SPTLC2: variants seen among roughly 807,000 people sequenced by gnomAD.
SPTLC2 encodes serine palmitoyltransferase long chain base subunit 2.
SPTLC2 carries 21 observed loss-of-function variants against 62.0 expected under a neutral mutation model. The observed-to-expected ratio is 0.34, with a 90% CI of 0.24 to 0.49. The LOEUF (loss-of-function observed/expected upper bound fraction) is 0.49, where lower values mean the gene tolerates loss of function less well. Ranked by LOEUF, SPTLC2 falls within the 20% of genes least tolerant of loss-of-function variation. The probability of loss-of-function intolerance (pLI) is 0.99; values close to 1 mark genes in which losing one functional copy is unlikely to be tolerated. For missense variants in SPTLC2, 511 were observed against 713.0 expected (o/e 0.72, Z 3.23); for synonymous variants, 261 against 261.8 (o/e 1.00, Z 0.03).
Position 77,555,529 on chromosome 14 carries a change from C to T in SPTLC2, c.957-10G>A, listed in dbSNP as rs1482641330. On this transcript the variant is annotated splice_polypyrimidine_tract_variant and intron_variant, in intron 7 of 11. Coordinates refer to ENST00000216484, the MANE Select transcript of SPTLC2 (RefSeq NM_004863.4). Reference sequence around the variant, plus strand: ...AATAGATCCCTCCATGCTGGCAAAACATGAAAAAATATATATATACACATA... The same window carrying T: ...AATAGATCCCTCCATGCTGGCAAAATATGAAAAAATATATATATACACATA... The T allele has an allele frequency of 1.2e-6, 2 of 1,613,528 alleles. No individual in the cohort carries two copies. The highest frequency in any genetic ancestry group is 1.7e-6 in the Non-Finnish European group (2 of 1,179,612).
chr14:77,515,391 C>T (rs1355074978), intron 11 of SPTLC2, among the ~76,000 whole-genome samples: 1 of 152,064 alleles, frequency 6.6e-6, no homozygotes, highest in Non-Finnish European at 1.5e-5. Flanking sequence ...GCCATCTTAA[C>T]AATATTAAAT....
At chr14:77,577,665 C>T (rs2079724165) in intron 3 of SPTLC2, among the ~76,000 whole-genome samples, 1 of 152,116 alleles carries the variant, frequency 6.6e-6, no homozygotes, top group South Asian at 2.1e-4. Context: ...TTTGGGAGGC[C>T]GCGGTGGGTG....
chr14:77,533,566 G>C (rs936775864), intron 9 of SPTLC2, among the ~76,000 whole-genome samples: 3 of 152,188 alleles, frequency 2.0e-5, no homozygotes, highest in Non-Finnish European at 4.4e-5. Context: ...TTTCGGGAAG[G>C]CTGGACTTGT....
chr14:77,564,610 T>C (rs1312341445), intron 5 of SPTLC2, among the ~76,000 whole-genome samples: 1 of 152,020 alleles, frequency 6.6e-6, no homozygotes. Context: ...CAGCACTTCT[T>C]GGAGAACTGG....
At chr14:77,541,772 C>A (rs552299624) in intron 9 of SPTLC2, among the ~76,000 whole-genome samples, 1 of 152,158 alleles carries the variant, frequency 6.6e-6, no homozygotes, top group Admixed American at 6.5e-5. Context: ...CTAAGAATAT[C>A]TAGGCCAGGT....
At chr14:77,571,180 T>A (rs950800819) in intron 4 of SPTLC2, among the ~76,000 whole-genome samples, 2 of 152,288 alleles carry the variant, frequency 1.3e-5, no homozygotes, top group African/African-American at 4.8e-5. Flanking sequence ...CCACTAAGTT[T>A]TGAGATGGTT....
chr14:77,597,507 G>C (rs773274583), intron 1 of SPTLC2, 127 bp from the exon 2 acceptor site: 71 of 840,698 alleles, frequency 8.4e-5, no homozygotes, highest in Admixed American at 1.9e-4. Flanking sequence ...GGGCGCACTG[G>C]CTCACACCTG....
chr14:77,586,119 A>G (rs138554878), intron 2 of SPTLC2, among the ~76,000 whole-genome samples: 7 of 140,742 alleles, frequency 5.0e-5, no homozygotes, highest in Admixed American at 1.6e-4. Context: ...TCTGTTACCC[A>G]GGCTGGAGTG....
intron 9 of SPTLC2, among the ~76,000 whole-genome samples, chr14:77,530,759 G>C (rs1750252600): frequency 6.6e-6 from 1 of 152,116 alleles, no homozygotes; most frequent in Non-Finnish European, 1.5e-5. Flanking sequence ...ACCAAGACTT[G>C]ACTCCCTGGT....
chr14:77,581,294 C>T (rs1458983571), intron 2 of SPTLC2, among the ~76,000 whole-genome samples: 1 of 152,078 alleles, frequency 6.6e-6, no homozygotes, highest in East Asian at 1.9e-4. Flanking sequence ...TTCTATGACA[C>T]CGGACTCTCA....
Position 77,570,222 on chromosome 14 carries a change from CAA to C in SPTLC2, c.756+160_756+161del, listed in dbSNP as rs35086251. Among the ~76,000 whole-genome samples, 7,252 of 111,380 alleles carry C rather than the reference CAA, an allele frequency of 0.065. 206 individuals carry two copies. The highest frequency in any genetic ancestry group is 0.094 in the Middle Eastern group (21 of 224). The allele number at this position is 111,380 out of a possible 152,430, so 73.1% of individuals were successfully genotyped here. Reference sequence around the variant, plus strand: ...TGGGCGAAAGAACAAGACTCCATCTCAAAAAAAAAAAAAAAAAAGAAAAACAA... The same window carrying C: ...TGGGCGAAAGAACAAGACTCCATCTCAAAAAAAAAAAAAAAAGAAAAACAA... On this transcript the variant is annotated intron_variant, in intron 5 of 11. Transcript: ENST00000216484.
chr14:77,610,818 G>A (rs2079931399), intron 1 of SPTLC2, among the ~76,000 whole-genome samples: 1 of 151,844 alleles, frequency 6.6e-6, no homozygotes, highest in Non-Finnish European at 1.5e-5. Flanking sequence ...GGCCAAGGCA[G>A]GAGGATCGAT....
At chr14:77,534,190 A>T (rs1033086296) in intron 9 of SPTLC2, among the ~76,000 whole-genome samples, 1 of 146,884 alleles carries the variant, frequency 6.8e-6, no homozygotes, top group African/African-American at 2.6e-5. Context: ...ACACACACAC[A>T]CACACACACA....
chr14:77,513,799 G>C (rs1370524468), intron 11 of SPTLC2, among the ~76,000 whole-genome samples: 1 of 151,578 alleles, frequency 6.6e-6, no homozygotes, highest in African/African-American at 2.4e-5. Context: ...GGAGGCTGAG[G>C]CAGGAGAATC....
At chr14:77,528,025 T>C (rs1281381584) in intron 9 of SPTLC2, among the ~76,000 whole-genome samples, 2 of 152,212 alleles carry the variant, frequency 1.3e-5, no homozygotes, top group African/African-American at 2.4e-5. Context: ...ATATTAAGGA[T>C]GTTCAGCCAG....
intron 2 of SPTLC2, among the ~76,000 whole-genome samples, chr14:77,591,877 C>T (rs1379591628): frequency 6.6e-6 from 1 of 152,094 alleles, no homozygotes; most frequent in Non-Finnish European, 1.5e-5. Flanking sequence ...GCATGTGCCA[C>T]CACGCCCCAG....
At chr14:77,570,630 G>A (rs977705820) in intron 4 of SPTLC2, 122 bp from the exon 5 acceptor site, 9 of 1,154,940 alleles carry the variant, frequency 7.8e-6, no homozygotes, top group Non-Finnish European at 1.1e-5. Context: ...ATCTATGAAG[G>A]AGTCAATATT....
rs566158312 is a variant in SPTLC2, at chr14:77,606,817, T to C, written c.133-9437A>G. 2.6e-3 allele frequency among the ~76,000 whole-genome samples: 396 copies of C among 152,070 alleles called. 1 individual carries two copies. Among genetic ancestry groups the C allele is most frequent in the Non-Finnish European group, 4.9e-3 (335 of 67,970 alleles). ...GCCTGGACAACATAGTGAAACCCTA[T>C]CTCTACACAACATTTTCAAAAGTTA... On this transcript the variant is annotated intron_variant, in intron 1 of 11. Coordinates refer to ENST00000216484, the MANE Select transcript of SPTLC2 (RefSeq NM_004863.4).
intron 7 of SPTLC2, 73 bp from the exon 8 acceptor site, chr14:77,555,592 C>T: frequency 7.0e-7 from 1 of 1,423,714 alleles, no homozygotes; most frequent in Non-Finnish European, 9.7e-7. Flanking sequence ...GGGAGTTTGG[C>T]ACTTCATTAT....
Sources: allele counts gnomAD v4.1 joint callset (sites outside exome capture counted in the v4.1 genomes callset), GRCh38; gene constraint gnomAD v4.1.1; transcripts MANE v1.5; gene names NCBI Gene and HGNC (gene_info 2026-07-23, HGNC 2026-07-21).